The following FLNB variants were observed in gnomAD, a reference collection of about 807,000 sequenced individuals.
FLNB encodes filamin-B.
In FLNB, 111 loss-of-function variants were observed where a neutral mutation model predicts 250.6. That is an observed-to-expected ratio of 0.44 (90% CI 0.38 to 0.52). The LOEUF is 0.52. Among genes scored for constraint, FLNB ranks in the 20% least tolerant of loss-of-function variants. The pLI is 0.00. For missense variants in FLNB, 2,869 were observed against 3,447.8 expected (o/e 0.83, Z 4.20); for synonymous variants, 1,302 against 1,372.1 (o/e 0.95, Z 1.13).
At chr3:58,101,058 A>G (rs953410955) in intron 8 of FLNB, among the ~76,000 whole-genome samples, 2 of 152,212 alleles carry the variant, frequency 1.3e-5, no homozygotes, top group African/African-American at 4.8e-5. Context: ...CACTTTCACA[A>G]TGGAAAACCA....
rs572680271 is a variant in FLNB, at chr3:58,095,162, A to G, written c.906+208A>G. Among the ~76,000 whole-genome samples the G allele has an allele frequency of 1.1e-4, 17 of 152,336 alleles. No individual in the cohort carries two copies. In the East Asian group the frequency reaches 3.3e-3, roughly 29 times the overall value. On this transcript the variant is annotated intron_variant, in intron 5 of 45. Transcript: ENST00000295956. ...AATTTAAATTGATTGCCAGGGACAC[A>G]GTGTTTAATGAAATAAAGGATACTT...
In FLNB at chr3:58,143,554, C is replaced by A. The variant is rs1245819595; in HGVS notation, c.5366C>A (p.Ala1789Asp). The A allele has an allele frequency of 1.2e-6, 2 of 1,614,144 alleles. No homozygotes were observed. Among genetic ancestry groups the A allele is most frequent in the Non-Finnish European group, 8.5e-7 (1 of 1,180,002 alleles). The part of the protein sequence containing the change: ...NKDGTVTVRY[A>D]PTEVGLHEMH... ...GACGGCACGGTCACTGTTAGATATG[C>A]CCCCACTGAGGTCGGGCTCCATGAG... Residue 1789 changes from alanine to aspartate, a missense_variant, in exon 32 of 46, where the codon GCC becomes GAC. Ala to Asp is a moderately radical substitution (Grantham distance 126, BLOSUM62 -2). Around this residue, in one of 5 missense-constraint regions of FLNB, gnomAD observed 1,084 missense variants for 1,315.5 expected, o/e 0.82. Transcript: ENST00000295956.
chr3:58,064,770 T>C (rs1373122327), intron 1 of FLNB, among the ~76,000 whole-genome samples: 1 of 152,016 alleles, frequency 6.6e-6, no homozygotes, highest in Non-Finnish European at 1.5e-5. Flanking sequence ...CCCAGCACTT[T>C]GAGAGGCCAA....
At chr3:58,092,371 C>T (rs1009858199) in intron 4 of FLNB, among the ~76,000 whole-genome samples, 4 of 152,178 alleles carry the variant, frequency 2.6e-5, no homozygotes, top group African/African-American at 7.2e-5. Flanking sequence ...AGGCTGGGCA[C>T]AGTGACTCCC....
chr3:58,146,577 TAG>T (rs2097336144), intron 33 of FLNB: 1 of 522,614 alleles, frequency 1.9e-6, no homozygotes, highest in Non-Finnish European at 3.5e-6. Flanking sequence ...ATCCTGAGAG[TAG>T]AGAGAGCTCC....
At chr3:58,100,373 A>AATATATATATATATATATAT (rs1553696177) in intron 8 of FLNB, among the ~76,000 whole-genome samples, 33 of 104,324 alleles carry the variant, frequency 3.2e-4, no homozygotes, top group Non-Finnish European at 4.5e-4. Flanking sequence ...GTAAAAAAAA[A>AATATATATATATATATATAT]ATATATATAT....
chr3:58,143,368 T>C, intron 31 of FLNB, 105 bp from the exon 32 acceptor site: 1 of 1,199,130 alleles, frequency 8.3e-7, no homozygotes. Flanking sequence ...ACGAATGTTC[T>C]TGGGTCTGGA....
intron 1 of FLNB, among the ~76,000 whole-genome samples, chr3:58,055,544 G>T (rs527441505): frequency 6.6e-6 from 1 of 152,118 alleles, no homozygotes; most frequent in Non-Finnish European, 1.5e-5. Context: ...AACTACAAAT[G>T]GGAACAGTTT....
chr3:58,106,470 GA>G (rs200542539), intron 11 of FLNB, among the ~76,000 whole-genome samples: 41 of 131,916 alleles, frequency 3.1e-4, no homozygotes, highest in Non-Finnish European at 4.8e-4. Flanking sequence ...GCCTACATTT[GA>G]AAAAAAAAAA....
In FLNB at chr3:58,142,057, G is replaced by C; in HGVS notation, c.5181+128G>C. ...CCTGGTCATTGGTGTGCCCCTCACT[G>C]ATCAGCCCATCACGATGATCCCTGC... On this transcript the variant is annotated intron_variant, in intron 30 of 45. Coordinates refer to ENST00000295956, the MANE Select transcript of FLNB (RefSeq NM_001457.4). The surrounding 1 kb of genome is among the most constrained non-coding windows in gnomAD (Gnocchi z 4.3). The C allele has an allele frequency of 2.6e-6, 2 of 783,652 alleles. No homozygotes were observed. The highest frequency in any genetic ancestry group is 3.9e-5 in the Admixed American group (2 of 51,878). 48.5% of individuals were successfully genotyped at this position (783,652 alleles called of 1,614,324 possible). A position where few individuals can be genotyped will look rare whatever the true frequency, so the allele number is the denominator to read the frequency against.
At chr3:58,051,065 C>T (rs839230) in intron 1 of FLNB, among the ~76,000 whole-genome samples, 67,592 of 152,046 alleles carry the variant, frequency 0.44, 16,048 homozygotes, top group African/African-American at 0.61. Flanking sequence ...CCTGGCCATT[C>T]GTCACTTGGG....
chr3:58,086,737 C>T (rs937810552), intron 4 of FLNB, among the ~76,000 whole-genome samples: 5 of 152,144 alleles, frequency 3.3e-5, no homozygotes, highest in South Asian at 4.2e-4. Flanking sequence ...GAGAGACAGC[C>T]GGAGATTAAA....
intron 43 of FLNB, 133 bp downstream of exon 43, chr3:58,163,463 A>G: frequency 1.1e-6 from 1 of 902,926 alleles, no homozygotes; most frequent in Non-Finnish European, 1.7e-6. Flanking sequence ...CACACTTCGG[A>G]GGCGCTTGCT....
At chr3:58,034,977 G>C (rs951082845) in intron 1 of FLNB, among the ~76,000 whole-genome samples, 5 of 152,212 alleles carry the variant, frequency 3.3e-5, no homozygotes, top group African/African-American at 9.6e-5. Context: ...AAGGGTGTTT[G>C]ACTCTTGGGA....
intron 1 of FLNB, among the ~76,000 whole-genome samples, chr3:58,067,827 C>T (rs371777091): frequency 1.3e-5 from 2 of 152,070 alleles, no homozygotes; most frequent in African/African-American, 2.4e-5. Flanking sequence ...CGCCCACCTC[C>T]GCCTCCCAAA....
chr3:58,162,837 T>G, intron 42 of FLNB: 1 of 362,264 alleles, frequency 2.8e-6, no homozygotes, highest in African/African-American at 2.1e-5. Flanking sequence ...CGTGACAGGA[T>G]TAGTAACAGC....
At chr3:58,119,089 T>A (rs2097283859) in intron 19 of FLNB, 100 bp downstream of exon 19, 2 of 906,478 alleles carry the variant, frequency 2.2e-6, no homozygotes, top group Admixed American at 3.4e-5. Context: ...AGAAGCAAAT[T>A]CTATGTTAAG....
At chr3:58,109,760 A>T (rs898948535) in intron 15 of FLNB, 61 bp downstream of exon 15, 34 of 1,611,216 alleles carry the variant, frequency 2.1e-5, no homozygotes, top group South Asian at 2.0e-4. Flanking sequence ...AGTTCTTTTC[A>T]TAACGTTTCA....
intron 1 of FLNB, among the ~76,000 whole-genome samples, chr3:58,065,086 C>A (rs1490030696): frequency 2.0e-5 from 3 of 152,116 alleles, no homozygotes. Context: ...TGGTAGAGGC[C>A]GAGTCAGTCA....
Sources: gnomAD v4.1 joint callset for allele counts (sites outside exome capture counted in the v4.1 genomes callset) on GRCh38, gnomAD v4.1.1 for gene constraint, gnomAD v4.1.1 regional missense constraint, Gnocchi (gnomAD v3.1) non-coding constraint, MANE v1.5 for transcripts, NCBI Gene and HGNC (gene_info 2026-07-23, HGNC 2026-07-21) for gene names.